CSMD1: variants seen among roughly 807,000 people sequenced by gnomAD.
CSMD1 encodes CUB and Sushi multiple domains 1.
A neutral mutation model predicts 417.5 loss-of-function variants in CSMD1; 213 were observed. The ratio of observed to expected loss-of-function variants is 0.51; its 90% CI spans 0.46 to 0.57. The LOEUF is 0.57. Among genes scored for constraint, CSMD1 ranks in the 20% least tolerant of loss-of-function variants. CSMD1 has a pLI of 0.00. For missense variants in CSMD1, 6,923 were observed against 4,529.7 expected (o/e 1.53, Z -15.17); for synonymous variants, 2,862 against 1,736.8 (o/e 1.65, Z -16.11).
chr8:4,373,081 G>A (rs1335300077), intron 3 of CSMD1, among the ~76,000 whole-genome samples: 1 of 152,172 alleles, frequency 6.6e-6, no homozygotes, highest in Non-Finnish European at 1.5e-5. Context: ...GTTTACCTGT[G>A]TGGTCTGTCT....
intron 2 of CSMD1, among the ~76,000 whole-genome samples, chr8:4,601,744 G>A (rs1208343270): frequency 6.6e-6 from 1 of 152,130 alleles, no homozygotes; most frequent in Non-Finnish European, 1.5e-5. Context: ...CCCTGTAGCT[G>A]GAGAAAAATA....
At chr8:3,215,583 G>C (rs766161149) in intron 29 of CSMD1, among the ~76,000 whole-genome samples, 2 of 152,154 alleles carry the variant, frequency 1.3e-5, no homozygotes, top group African/African-American at 2.4e-5. Context: ...ATTCACTTTT[G>C]GCTGCATTAA....
chr8:3,180,833 G>A (rs571551952), intron 37 of CSMD1, among the ~76,000 whole-genome samples: 13 of 151,856 alleles, frequency 8.6e-5, no homozygotes, highest in African/African-American at 3.1e-4. Context: ...TAGTAGAGAC[G>A]GGGTTTCTCC....
chr8:4,151,733 T>C (rs936616329), intron 3 of CSMD1, among the ~76,000 whole-genome samples: 4 of 152,214 alleles, frequency 2.6e-5, no homozygotes, highest in Non-Finnish European at 4.4e-5. Context: ...AGCGGGTAAA[T>C]ACTAGAGGAA....
At chr8:4,464,598 T>C (rs1410090709) in intron 2 of CSMD1, among the ~76,000 whole-genome samples, 1 of 152,174 alleles carries the variant, frequency 6.6e-6, no homozygotes, top group Non-Finnish European at 1.5e-5. Flanking sequence ...CTGAACGTGT[T>C]ATTACTTTCA....
At chr8:3,937,833 T>C (rs1337634942) in intron 5 of CSMD1, among the ~76,000 whole-genome samples, 1 of 152,164 alleles carries the variant, frequency 6.6e-6, no homozygotes, top group African/African-American at 2.4e-5. Context: ...AATTTTATGA[T>C]TTAAAGTTTA....
rs1030907595 is a variant in CSMD1, at chr8:3,266,525, G to C, written c.4153+17619C>G. Among the ~76,000 whole-genome samples the C allele has an allele frequency of 2.1e-5, 3 of 143,706 alleles. No individual in the cohort carries two copies. The East Asian group carries it at 6.7e-4, about 32-fold the overall frequency. The allele number at this position is 143,706 out of a possible 152,430, so 94.3% of individuals were successfully genotyped here. On this transcript the variant is annotated intron_variant, in intron 26 of 69. Coordinates refer to ENST00000635120, the MANE Select transcript of CSMD1 (RefSeq NM_033225.6). Reference sequence around the variant, plus strand: ...GGAGGCTGAGGCAGGAGAATCACTTGAACCCAGGAGGCAGAGGTTGCAGTG... The same window carrying C: ...GGAGGCTGAGGCAGGAGAATCACTTCAACCCAGGAGGCAGAGGTTGCAGTG...
At chr8:3,865,699 G>C (rs1225407306) in intron 5 of CSMD1, among the ~76,000 whole-genome samples, 1 of 152,134 alleles carries the variant, frequency 6.6e-6, no homozygotes, top group Non-Finnish European at 1.5e-5. Flanking sequence ...TTCCAACGGA[G>C]CAGTAAATAC....
At chr8:4,451,614 T>C (rs78951399) in intron 2 of CSMD1, among the ~76,000 whole-genome samples, 20,154 of 152,102 alleles carry the variant, frequency 0.13, 1,417 homozygotes, top group South Asian at 0.21. Flanking sequence ...GAGGTTATAT[T>C]CAAGAAGGAA....
intron 33 of CSMD1, among the ~76,000 whole-genome samples, chr8:3,197,164 C>T (rs999377677): frequency 6.6e-6 from 1 of 152,186 alleles, no homozygotes; most frequent in Non-Finnish European, 1.5e-5. Context: ...TCTGTCTTCA[C>T]ATTACTAACC....
At chr8:4,474,634 G>A (rs909728637) in intron 2 of CSMD1, among the ~76,000 whole-genome samples, 1 of 152,098 alleles carries the variant, frequency 6.6e-6, no homozygotes, top group Non-Finnish European at 1.5e-5. Context: ...GGTGCCCTCA[G>A]GAATTACAGA....
At chr8:2,994,614 A>C (rs564380283) in intron 54 of CSMD1, among the ~76,000 whole-genome samples, 3 of 152,254 alleles carry the variant, frequency 2.0e-5, no homozygotes, top group Non-Finnish European at 4.4e-5. Context: ...GTAAATGTAG[A>C]AATTAAAGCC....
chr8:4,486,344 G>A (rs940309653), intron 2 of CSMD1, among the ~76,000 whole-genome samples: 11 of 149,052 alleles, frequency 7.4e-5, no homozygotes, highest in Non-Finnish European at 1.6e-4. Flanking sequence ...AATTTGCGAC[G>A]ATTCTACCAG....
Position 4,067,482 on chromosome 8 carries a change from AC to A in CSMD1, c.416-35384del, listed in dbSNP as rs1249228130. Among the ~76,000 whole-genome samples the A allele has an allele frequency of 5.1e-3, 777 of 151,366 alleles. 10 individuals are homozygous for A. The highest frequency in any genetic ancestry group is 0.017 in the African/African-American group (713 of 41,308). On this transcript the variant is annotated intron_variant, in intron 3 of 69. Transcript: ENST00000635120. The stretch of plus-strand genomic sequence containing the variant: ...CAGTTCTTTTCACATGAAATAAATT[AC>A]TTTTTTTTTTAATTTCAAAATTTTT...
intron 2 of CSMD1, among the ~76,000 whole-genome samples, chr8:4,506,543 G>T (rs574727663): frequency 1.8e-3 from 272 of 152,274 alleles, no homozygotes; most frequent in African/African-American, 6.3e-3. Context: ...GGACCCAGTG[G>T]AAGGGACCTG....
At chr8:3,962,703 C>T (rs555396794) in intron 5 of CSMD1, among the ~76,000 whole-genome samples, 3 of 152,158 alleles carry the variant, frequency 2.0e-5, no homozygotes, top group Middle Eastern at 3.4e-3. Flanking sequence ...TGCAGAGGTG[C>T]GGCCCTTTCT....
chr8:3,303,233 T>C (rs1804553226), intron 25 of CSMD1, among the ~76,000 whole-genome samples: 1 of 151,962 alleles, frequency 6.6e-6, no homozygotes, highest in South Asian at 2.1e-4. Flanking sequence ...AGGCTGGACA[T>C]GGAGACTGGG....
intron 25 of CSMD1, among the ~76,000 whole-genome samples, chr8:3,290,871 G>A (rs148621739): frequency 0.022 from 3,304 of 151,914 alleles, 123 homozygotes; most frequent in African/African-American, 0.075. Flanking sequence ...TATTGAATAG[G>A]AGTGGTGAGA....
chr8:4,970,709 G>T (rs902039136), intron 1 of CSMD1, among the ~76,000 whole-genome samples: 1 of 151,966 alleles, frequency 6.6e-6, no homozygotes, highest in African/African-American at 2.4e-5. Flanking sequence ...CTTAACTCAG[G>T]ACGTGGATTC....
Sources: gnomAD v4.1 joint callset for allele counts (sites outside exome capture counted in the v4.1 genomes callset) on GRCh38, gnomAD v4.1.1 for gene constraint, MANE v1.5 for transcripts, NCBI Gene and HGNC (gene_info 2026-07-23, HGNC 2026-07-21) for gene names.